The following PTPRO variants were observed in gnomAD, a reference collection of about 807,000 sequenced individuals.
PTPRO encodes receptor-type tyrosine-protein phosphatase O.
A neutral mutation model predicts 145.2 loss-of-function variants in PTPRO; 62 were observed. The ratio of observed to expected loss-of-function variants is 0.43; its 90% CI spans 0.35 to 0.53. PTPRO has a LOEUF of 0.53. Ranked by LOEUF, PTPRO falls within the 20% of genes least tolerant of loss-of-function variation. The pLI is 0.01. For synonymous variants in PTPRO, 565 were observed against 514.7 expected, an observed-to-expected ratio of 1.10 and a Z score of -1.32; for missense variants, 1,345 against 1,482.7, an observed-to-expected ratio of 0.91 and a Z score of 1.53.
intron 1 of PTPRO, among the ~76,000 whole-genome samples, chr12:15,445,875 A>G (rs1025271847): frequency 6.6e-6 from 1 of 152,170 alleles, no homozygotes; most frequent in Non-Finnish European, 1.5e-5. Context: ...TCAGCCAAAT[A>G]TTAAAATGGG....
intron 1 of PTPRO, among the ~76,000 whole-genome samples, chr12:15,366,204 A>G (rs1462760068): frequency 6.6e-6 from 1 of 152,196 alleles, no homozygotes; most frequent in Non-Finnish European, 1.5e-5. Flanking sequence ...ATCCCTGAAG[A>G]TAAGTTGTAT....
In PTPRO at chr12:15,415,484, A is replaced by C. The variant is rs1246432232; in HGVS notation, c.76-68490A>C. Among the ~76,000 whole-genome samples the C allele has an allele frequency of 2.6e-5, 4 of 151,130 alleles. No individual in the cohort carries two copies. In the South Asian group the frequency reaches 6.3e-4, roughly 24 times the overall value. Reference sequence around the variant, plus strand: ...ACTGCAAGCTCCGCCTCCCAGGTTCACGCCATTCTCCTGCCTCAGCCTCCC... The same window carrying C: ...ACTGCAAGCTCCGCCTCCCAGGTTCCCGCCATTCTCCTGCCTCAGCCTCCC... On this transcript the variant is annotated intron_variant, in intron 1 of 26. Transcript: ENST00000281171.
chr12:15,530,868 G>A (rs1453302771), intron 12 of PTPRO, among the ~76,000 whole-genome samples: 1 of 151,790 alleles, frequency 6.6e-6, no homozygotes, highest in Non-Finnish European at 1.5e-5. Context: ...GGAAAGAAAT[G>A]TAAAGGTCAG....
intron 18 of PTPRO, among the ~76,000 whole-genome samples, chr12:15,568,428 TCAAAA>T (rs10524989): frequency 0.013 from 1,941 of 149,476 alleles, 42 homozygotes; most frequent in East Asian, 0.04. Flanking sequence ...AGACTCTGTC[TCAAAA>T]CAAAACAAAA....
chr12:15,586,656 G>A (rs1009216603), intron 23 of PTPRO, among the ~76,000 whole-genome samples: 1 of 152,116 alleles, frequency 6.6e-6, no homozygotes, highest in African/African-American at 2.4e-5. Context: ...CTGCTTAAGT[G>A]TTGTCCACAG....
At chr12:15,398,637 T>C (rs1939408952) in intron 1 of PTPRO, among the ~76,000 whole-genome samples, 1 of 152,148 alleles carries the variant, frequency 6.6e-6, no homozygotes, top group Admixed American at 6.5e-5. Context: ...GCTAAATCCC[T>C]GGAATATCTG....
At chr12:15,497,472 TTCTC>T (rs879787029) in intron 3 of PTPRO, 69 bp downstream of exon 3, 41 of 1,497,838 alleles carry the variant, frequency 2.7e-5, no homozygotes, top group Non-Finnish European at 3.6e-5. Context: ...CCAAATGATG[TTCTC>T]TCTTACTGCA....
At chr12:15,348,711 C>T (rs1937681594) in intron 1 of PTPRO, 1 of 152,064 alleles carries the variant, frequency 6.6e-6, no homozygotes, top group Non-Finnish European at 1.5e-5. Flanking sequence ...GACGTGAACC[C>T]CGGGGGGCGG....
chr12:15,465,136 G>T (rs1941388650), intron 1 of PTPRO, among the ~76,000 whole-genome samples: 1 of 152,158 alleles, frequency 6.6e-6, no homozygotes, highest in Non-Finnish European at 1.5e-5. Context: ...TTCACTTGGT[G>T]CAATAAGTTG....
At chr12:15,473,768 C>CAAAAAAAAAAAAAA (rs11340085) in intron 1 of PTPRO, among the ~76,000 whole-genome samples, 1 of 65,576 alleles carries the variant, frequency 1.5e-5, no homozygotes, top group African/African-American at 6.1e-5. Flanking sequence ...GACTCCATCT[C>CAAAAAAAAAAAAAA]AAAAAAAAAA....
chr12:15,535,210 C>T (rs915497607), intron 12 of PTPRO, among the ~76,000 whole-genome samples: 4 of 152,024 alleles, frequency 2.6e-5, no homozygotes, highest in African/African-American at 7.3e-5. Context: ...TATTGGATAT[C>T]CCGGTGCAGA....
intron 1 of PTPRO, among the ~76,000 whole-genome samples, chr12:15,330,206 AGTAGCAG>A (rs1051565002): frequency 6.6e-6 from 1 of 152,232 alleles, no homozygotes; most frequent in African/African-American, 2.4e-5. Flanking sequence ...GAATTAAACT[AGTAGCAG>A]GTTGTTGAAA....
Position 15,597,930 on chromosome 12 carries a change from G to A in PTPRO, c.*1857G>A, listed in dbSNP as rs2135690060. On this transcript the variant is annotated 3_prime_UTR_variant, in exon 27 of 27. Transcript: ENST00000281171. ...ACATGGGCAGTCAGGAGTGAAATGT[G>A]CAACCTTGGAAGAGCTGATACAATG... 6.6e-6 allele frequency among the ~76,000 whole-genome samples: 1 copy of A among 152,344 alleles called. No homozygotes were observed.
chr12:15,369,171 C>T (rs1002235532), intron 1 of PTPRO, among the ~76,000 whole-genome samples: 2 of 152,042 alleles, frequency 1.3e-5, no homozygotes, highest in African/African-American at 4.8e-5. Context: ...TTAAAAAAAA[C>T]GTCCCCAGTG....
At chr12:15,520,449 T>C in intron 10 of PTPRO, 137 bp downstream of exon 10, 1 of 661,636 alleles carries the variant, frequency 1.5e-6, no homozygotes, top group Non-Finnish European at 2.8e-6. Flanking sequence ...ATAATATTGA[T>C]TCTGATCATT....
chr12:15,458,229 C>G (rs149498862), intron 1 of PTPRO, among the ~76,000 whole-genome samples: 81 of 152,190 alleles, frequency 5.3e-4, no homozygotes, highest in African/African-American at 1.9e-3. Context: ...TGCTGACAGC[C>G]TTATGCAGAT....
At chr12:15,523,853 A>G (rs1415950458) in intron 10 of PTPRO, among the ~76,000 whole-genome samples, 2 of 151,930 alleles carry the variant, frequency 1.3e-5, no homozygotes, top group East Asian at 3.9e-4. Flanking sequence ...GCTGGAATGC[A>G]GTGGCAGGCT....
At chr12:15,541,941 G>C (rs538382620) in intron 12 of PTPRO, among the ~76,000 whole-genome samples, 3 of 152,200 alleles carry the variant, frequency 2.0e-5, no homozygotes, top group South Asian at 4.2e-4. Context: ...AATCTGGGAG[G>C]TGGAGTTTGC....
chr12:15,362,349 CCAAATA>C (rs1197450542), intron 1 of PTPRO, among the ~76,000 whole-genome samples: 1 of 152,136 alleles, frequency 6.6e-6, no homozygotes, highest in Non-Finnish European at 1.5e-5. Context: ...TTATTCCTGG[CCAAATA>C]CATCAGAGCT....
Sources: allele counts gnomAD v4.1 joint callset (sites outside exome capture counted in the v4.1 genomes callset), GRCh38; gene constraint gnomAD v4.1.1; transcripts MANE v1.5; gene names NCBI Gene and HGNC (gene_info 2026-07-23, HGNC 2026-07-21).